The following KALRN variants were observed in gnomAD, a reference collection of about 807,000 sequenced individuals.
KALRN encodes the protein kalirin RhoGEF kinase.
In KALRN, 70 loss-of-function variants were observed where a neutral mutation model predicts 353.7. The observed-to-expected ratio is 0.20, with a 90% confidence interval of 0.16 to 0.24. The LOEUF (loss-of-function observed/expected upper bound fraction) is 0.24. KALRN is among the 10% of genes least tolerant of loss of function. The probability of loss-of-function intolerance (pLI) is 1.00; values close to 1 mark genes in which losing one functional copy is unlikely to be tolerated. For missense variants in KALRN, 2,791 were observed against 3,756.7 expected (o/e 0.74, Z 6.72); for synonymous variants, 1,391 against 1,434.8 (o/e 0.97, Z 0.69).
chr3:124,218,027 G>A (rs1208603236), intron 1 of KALRN, among the ~76,000 whole-genome samples: 1 of 152,210 alleles, frequency 6.6e-6, no homozygotes, highest in African/African-American at 2.4e-5. Context: ...CTAGGCTTGG[G>A]TGAGAGGGTC....
At chr3:124,045,132 A>G (rs2040363663) in intron 1 of KALRN, among the ~76,000 whole-genome samples, 1 of 152,034 alleles carries the variant, frequency 6.6e-6, no homozygotes, top group Non-Finnish European at 1.5e-5. Flanking sequence ...TGGGCCTAGA[A>G]GGGGACCCGG....
At chr3:124,246,870 A>G (rs958548117) in intron 3 of KALRN, among the ~76,000 whole-genome samples, 1 of 152,196 alleles carries the variant, frequency 6.6e-6, no homozygotes, top group Non-Finnish European at 1.5e-5. Flanking sequence ...GGAATATTGA[A>G]AATAAGAGAG....
chr3:124,051,241 A>G (rs2041013140), intron 1 of KALRN, among the ~76,000 whole-genome samples: 1 of 152,130 alleles, frequency 6.6e-6, no homozygotes, highest in African/African-American at 2.4e-5. Context: ...GTTTTAGGAG[A>G]ATGATGGAGT....
intron 23 of KALRN, among the ~76,000 whole-genome samples, chr3:124,457,618 T>A (rs2059449361): frequency 6.6e-6 from 1 of 152,222 alleles, no homozygotes; most frequent in African/African-American, 2.4e-5. Flanking sequence ...ACATTTTCTC[T>A]TTGTATCTTT....
chr3:124,620,402 C>A (rs927055950), intron 34 of KALRN, among the ~76,000 whole-genome samples: 3 of 152,144 alleles, frequency 2.0e-5, no homozygotes, highest in African/African-American at 7.2e-5. Context: ...CCACTCCCGG[C>A]CTTGGTGGTT....
At chr3:124,056,033 T>C (rs188890423) in intron 1 of KALRN, among the ~76,000 whole-genome samples, 3 of 152,332 alleles carry the variant, frequency 2.0e-5, no homozygotes, top group East Asian at 1.9e-4. Flanking sequence ...GGTGAGAGCC[T>C]TGTGAATTCC....
chr3:124,299,888 T>C (rs747817202), intron 6 of KALRN, among the ~76,000 whole-genome samples: 10 of 152,214 alleles, frequency 6.6e-5, no homozygotes, highest in Admixed American at 1.3e-4. Flanking sequence ...TTTGAAGCCA[T>C]TGTATTTCAA....
At chr3:124,131,571 C>T (rs962701777) in intron 1 of KALRN, among the ~76,000 whole-genome samples, 2 of 152,148 alleles carry the variant, frequency 1.3e-5, no homozygotes, top group African/African-American at 4.8e-5. Context: ...TTGACAAAGA[C>T]AATGCTGTGA....
chr3:124,407,680 T>G (rs577026173), intron 13 of KALRN: 1 of 152,350 alleles, frequency 6.6e-6, no homozygotes, highest in African/African-American at 2.4e-5. Flanking sequence ...TCTTTAAAAA[T>G]GTACTATACT....
intron 5 of KALRN, among the ~76,000 whole-genome samples, chr3:124,287,580 T>C (rs560194637): frequency 2.6e-5 from 4 of 151,652 alleles, no homozygotes. Context: ...CAAGGATCAT[T>C]GGTCTATCTT....
chr3:124,418,554 A>G (rs914813081), intron 14 of KALRN, among the ~76,000 whole-genome samples: 23 of 152,228 alleles, frequency 1.5e-4, no homozygotes, highest in Admixed American at 8.5e-4. Context: ...TGATACCAAT[A>G]TTTAAAGAAC....
In KALRN at chr3:124,719,071, C is replaced by T; in HGVS notation, c.8562C>T (p.Gly2854=). The change falls in exon 60 of 60, where the codon GGC becomes GGT. Residue 2854 remains glycine (G), a synonymous_variant. Transcript: ENST00000682506. The surrounding 1 kb of genome is among the most constrained non-coding windows in gnomAD (Gnocchi z 5.3). ...PEFAAPEVIQ[G]IPVSLGTDIW... The stretch of plus-strand genomic sequence containing the variant: ...TTGCTGCCCCAGAAGTCATTCAAGG[C>T]ATCCCCGTCTCCCTGGGGACAGACA... 1 of 1,614,242 alleles carries T rather than the reference C, an allele frequency of 6.2e-7. No homozygotes were observed. The highest frequency in any genetic ancestry group is 8.5e-7 in the Non-Finnish European group (1 of 1,180,046).
chr3:124,579,001 C>T (rs1342198726), intron 34 of KALRN, among the ~76,000 whole-genome samples: 3 of 152,154 alleles, frequency 2.0e-5, no homozygotes, highest in Admixed American at 2.0e-4. Context: ...GGCATGGTTG[C>T]TGTTCCTTCT....
chr3:124,503,552 C>G (rs907967377), intron 33 of KALRN, among the ~76,000 whole-genome samples: 55 of 151,804 alleles, frequency 3.6e-4, no homozygotes, highest in African/African-American at 1.3e-3. Flanking sequence ...CTGTGGTAGG[C>G]AGGTGGCTGG....
At chr3:124,301,683 C>T (rs560155765) in intron 6 of KALRN, among the ~76,000 whole-genome samples, 2 of 152,226 alleles carry the variant, frequency 1.3e-5, no homozygotes, top group East Asian at 3.9e-4. Flanking sequence ...TTTTCTCTGG[C>T]CTGGGTGATG....
At chr3:124,339,979 G>C (rs1413480845) in intron 9 of KALRN, among the ~76,000 whole-genome samples, 1 of 152,082 alleles carries the variant, frequency 6.6e-6, no homozygotes, top group East Asian at 1.9e-4. Flanking sequence ...TTCTTTTCAT[G>C]GGTTTTGTTC....
At chr3:124,370,025 A>G (rs1381252150) in intron 10 of KALRN, among the ~76,000 whole-genome samples, 2 of 152,178 alleles carry the variant, frequency 1.3e-5, no homozygotes, top group Non-Finnish European at 2.9e-5. Context: ...ATATGACAGC[A>G]CTTTGAAAAG....
At chr3:124,559,715 G>C (rs1489090699) in intron 33 of KALRN, among the ~76,000 whole-genome samples, 1 of 152,214 alleles carries the variant, frequency 6.6e-6, no homozygotes, top group East Asian at 1.9e-4. Context: ...GAGAGGATGG[G>C]AGGGACTGTT....
At chr3:124,243,389 A>G (rs1010636636) in intron 3 of KALRN, among the ~76,000 whole-genome samples, 5 of 152,204 alleles carry the variant, frequency 3.3e-5, no homozygotes, top group Admixed American at 6.5e-5. Context: ...GAGAACAATA[A>G]CTGGAGCAAT....
Sources: gnomAD v4.1 joint callset for allele counts (sites outside exome capture counted in the v4.1 genomes callset) on GRCh38, gnomAD v4.1.1 for gene constraint, Gnocchi (gnomAD v3.1) non-coding constraint, MANE v1.5 for transcripts, NCBI Gene and HGNC (gene_info 2026-07-23, HGNC 2026-07-21) for gene names.